Variants in BCHE observed in about 807,000 individuals in gnomAD.
BCHE encodes butyrylcholinesterase, also known as cholinesterase.
In BCHE, 48 loss-of-function variants were observed where a neutral mutation model predicts 51.3. That is an observed-to-expected ratio of 0.94 (90% confidence interval 0.74 to 1.19). The LOEUF (loss-of-function observed/expected upper bound fraction) is 1.19. Ranked by LOEUF, BCHE falls within the 50% of genes most tolerant of loss-of-function variation. The pLI is 0.00. For missense variants in BCHE, 847 were observed against 708.2 expected (o/e 1.20, Z -2.23); for synonymous variants, 251 against 238.0 (o/e 1.05, Z -0.50).
At chr3:165,821,474 C>T (rs561573132) in intron 2 of BCHE, among the ~76,000 whole-genome samples, 21 of 151,154 alleles carry the variant, frequency 1.4e-4, no homozygotes, top group African/African-American at 5.1e-4. Flanking sequence ...AGAAAATATA[C>T]CCATTTGGGA....
At chr3:165,809,986 A>G (rs1714031915) in intron 2 of BCHE, among the ~76,000 whole-genome samples, 1 of 152,164 alleles carries the variant, frequency 6.6e-6, no homozygotes, top group South Asian at 2.1e-4. Context: ...AGAATTTTAC[A>G]CATTCCTAGG....
Position 165,773,204 on chromosome 3 carries a change from T to G in BCHE, c.*178A>C. 3.6e-6 allele frequency: 2 copies of G among 559,944 alleles called. No homozygotes were observed. Among genetic ancestry groups the G allele is most frequent in the Non-Finnish European group, 6.2e-6 (2 of 322,512 alleles). The allele number at this position is 559,944 out of a possible 1,614,324, so 34.7% of individuals were successfully genotyped here. ...AATTTAATTAAACACGTTCTAGCCATTTGGGTTTTGAAATGCTAGGTAAAA... is the reference window on the plus strand; with the variant it reads ...AATTTAATTAAACACGTTCTAGCCAGTTGGGTTTTGAAATGCTAGGTAAAA... On this transcript the variant is annotated 3_prime_UTR_variant, in exon 4 of 4. Coordinates refer to ENST00000264381, the MANE Select transcript of BCHE (RefSeq NM_000055.4).
intron 2 of BCHE, among the ~76,000 whole-genome samples, chr3:165,793,388 A>G (rs556192327): frequency 6.6e-6 from 1 of 152,268 alleles, no homozygotes; most frequent in East Asian, 1.9e-4. Flanking sequence ...GTCAGTGTTT[A>G]TCACCTCATA....
At chr3:165,795,697 C>G (rs1713349514) in intron 2 of BCHE, among the ~76,000 whole-genome samples, 1 of 151,910 alleles carries the variant, frequency 6.6e-6, no homozygotes, top group Non-Finnish European at 1.5e-5. Flanking sequence ...TATTTTTGGG[C>G]AGGAATCAAG....
intron 3 of BCHE, among the ~76,000 whole-genome samples, chr3:165,785,312 A>G (rs957114257): frequency 6.6e-6 from 1 of 151,864 alleles, no homozygotes; most frequent in Admixed American, 6.6e-5. Context: ...CTGAAAATCA[A>G]TTACTTTCAG....
chr3:165,790,986 G>A (rs1713141682), intron 2 of BCHE, among the ~76,000 whole-genome samples: 1 of 151,956 alleles, frequency 6.6e-6, no homozygotes, highest in Non-Finnish European at 1.5e-5. Flanking sequence ...GGGAAGAATT[G>A]GAGGGTTTGC....
intron 2 of BCHE, among the ~76,000 whole-genome samples, chr3:165,798,911 A>G (rs886330971): frequency 6.6e-6 from 1 of 152,162 alleles, no homozygotes; most frequent in Admixed American, 6.5e-5. Flanking sequence ...AAACTAGAGT[A>G]TATAGTTGCA....
At chr3:165,813,142 G>C (rs115790699) in intron 2 of BCHE, among the ~76,000 whole-genome samples, 1,568 of 151,826 alleles carry the variant, frequency 0.01, 14 homozygotes, top group Non-Finnish European at 0.018. Context: ...AGCAAGAGAA[G>C]TTGCAAAATT....
intron 2 of BCHE, among the ~76,000 whole-genome samples, chr3:165,827,715 C>A (rs1331244594): frequency 6.6e-6 from 1 of 151,892 alleles, no homozygotes. Flanking sequence ...GAATTAAAAA[C>A]ATATATAAAT....
chr3:165,784,016 G>T (rs1046854949), intron 3 of BCHE, among the ~76,000 whole-genome samples: 1 of 151,796 alleles, frequency 6.6e-6, no homozygotes. Context: ...TGCTGAGGTG[G>T]TACTTACAAA....
At chr3:165,828,193 C>T (rs1046349759) in intron 2 of BCHE, 3 of 372,470 alleles carry the variant, frequency 8.1e-6, no homozygotes, top group African/African-American at 6.4e-5. Context: ...TAGATTAAGA[C>T]CTTAAAAAAG....
At chr3:165,814,876 T>C (rs1714244819) in intron 2 of BCHE, among the ~76,000 whole-genome samples, 1 of 151,022 alleles carries the variant, frequency 6.6e-6, no homozygotes, top group South Asian at 2.1e-4. Flanking sequence ...GACGTATGGG[T>C]CATATTTATA....
Position 165,829,592 on chromosome 3 carries a change from C to T in BCHE, c.1442G>A (p.Arg481Lys), listed in dbSNP as rs1353212861. The T allele has an allele frequency of 1.2e-6, 2 of 1,613,686 alleles. No homozygotes were observed. Among genetic ancestry groups the T allele is most frequent in the Non-Finnish European group, 1.7e-6 (2 of 1,179,866 alleles). ...TTCCTCGGCTTTTGTGTAATTATCT[C>T]TTCTTTCCAGAGGTAAACCAAAGAC... ...EFVFGLPLER[R>K]DNYTKAEEIL... is the part of the protein sequence containing the mutation. The change falls in exon 2 of 4, where the codon AGA becomes AAA. Residue 481 changes from arginine (R) to lysine (K), a missense_variant. By Grantham distance (26) the Arg-to-Lys change is conservative. Coordinates refer to ENST00000264381, the MANE Select transcript of BCHE (RefSeq NM_000055.4).
At chr3:165,835,570 T>C (rs1239613229) in intron 1 of BCHE, among the ~76,000 whole-genome samples, 1 of 151,860 alleles carries the variant, frequency 6.6e-6, no homozygotes, top group Non-Finnish European at 1.5e-5. Context: ...TTGAAGAAAT[T>C]GGAACAACGA....
intron 3 of BCHE, among the ~76,000 whole-genome samples, chr3:165,779,994 C>T (rs1269457795): frequency 6.6e-6 from 1 of 152,098 alleles, no homozygotes; most frequent in African/African-American, 2.4e-5. Context: ...AGGTATCATG[C>T]TACCTGACTT....
chr3:165,774,204 G>A (rs1712374598), intron 3 of BCHE, among the ~76,000 whole-genome samples: 1 of 152,118 alleles, frequency 6.6e-6, no homozygotes, highest in South Asian at 2.1e-4. Flanking sequence ...TTGACTCGTG[G>A]TTGGTTAAAT....
intron 2 of BCHE, among the ~76,000 whole-genome samples, chr3:165,795,583 T>G (rs1326123460): frequency 1.3e-5 from 2 of 152,168 alleles, no homozygotes; most frequent in Admixed American, 6.5e-5. Flanking sequence ...TCCAGACATT[T>G]CTATTGCTAA....
intron 1 of BCHE, among the ~76,000 whole-genome samples, chr3:165,834,098 A>G (rs1039991092): frequency 2.0e-5 from 3 of 152,126 alleles, no homozygotes; most frequent in Non-Finnish European, 4.4e-5. Context: ...CAAAGCAAGT[A>G]CTATAGTTGC....
chr3:165,794,812 A>G lies in BCHE; in HGVS notation c.1518-8501T>C, dbSNP rs376231781. Among the ~76,000 whole-genome samples the G allele has an allele frequency of 1.1e-3, 165 of 152,268 alleles. 1 individual carries two copies. Among genetic ancestry groups the G allele is most frequent in the African/African-American group, 3.6e-3 (150 of 41,574 alleles). On this transcript the variant is annotated intron_variant, in intron 2 of 3. Coordinates refer to ENST00000264381, the MANE Select transcript of BCHE (RefSeq NM_000055.4). The stretch of plus-strand genomic sequence containing the variant: ...CATCTCTGTATTCTGCAAATTGAAT[A>G]TTAGAAATACCCAAAATAACTGAAC...
Sources: gnomAD v4.1 joint callset for allele counts (sites outside exome capture counted in the v4.1 genomes callset) on GRCh38, gnomAD v4.1.1 for gene constraint, MANE v1.5 for transcripts, NCBI Gene and HGNC (gene_info 2026-07-23, HGNC 2026-07-21) for gene names.